ABL2: variants seen among roughly 807,000 people sequenced by gnomAD.
The protein encoded by ABL2 is ABL proto-oncogene 2, non-receptor tyrosine kinase, also known as tyrosine-protein kinase ABL2.
A neutral mutation model predicts 107.7 loss-of-function variants in ABL2; 49 were observed. The ratio of observed to expected loss-of-function variants is 0.45; its 90% confidence interval spans 0.36 to 0.58. The LOEUF (loss-of-function observed/expected upper bound fraction) is 0.58, where lower values mean the gene tolerates loss of function less well. Among genes scored for constraint, ABL2 ranks in the 20% least tolerant of loss-of-function variants. The pLI, the probability that ABL2 is intolerant of heterozygous loss-of-function variation, is 0.00. For synonymous variants in ABL2, 549 were observed against 548.6 expected, an observed-to-expected ratio of 1.00 and a Z score of -0.01; for missense variants, 1,245 against 1,457.0, an observed-to-expected ratio of 0.85 and a Z score of 2.37.
Position 179,131,317 on chromosome 1 carries a change from T to C in ABL2, c.385A>G (p.Thr129Ala). The C allele has an allele frequency of 4.3e-6, 7 of 1,613,662 alleles. No homozygotes were observed. Among genetic ancestry groups the C allele is most frequent in the Non-Finnish European group, 5.9e-6 (7 of 1,179,620 alleles). ...VASGDNTLSI[T>A]KGEKLRVLGY... is the part of the protein sequence containing the mutation. ...TGCTACATAGAAGCCTCACCTTTAG[T>C]GATGCTGAGTGTGTTATCACCACTT... The change falls in exon 3 of 12, where the codon ACT becomes GCT. Residue 129 changes from threonine to alanine, a missense_variant. By Grantham distance (58) the Thr-to-Ala change is moderately conservative. This residue lies in a region of ABL2 where 320 missense variants were observed against 547.0 expected (regional missense o/e 0.59). Transcript: ENST00000502732.
chr1:179,120,844 GA>G (rs1224913282), intron 5 of ABL2, among the ~76,000 whole-genome samples: 1 of 152,174 alleles, frequency 6.6e-6, no homozygotes, highest in African/African-American at 2.4e-5. Flanking sequence ...CCCTGTATTG[GA>G]TAGTTCAGTT....
At chr1:179,111,707 G>A (rs1175708787) in intron 10 of ABL2, among the ~76,000 whole-genome samples, 2 of 151,962 alleles carry the variant, frequency 1.3e-5, no homozygotes, top group Non-Finnish European at 2.9e-5. Context: ...GGATATCCTC[G>A]TTTACTAAGT....
chr1:179,141,112 T>C (rs531447264), intron 1 of ABL2, among the ~76,000 whole-genome samples: 39 of 132,674 alleles, frequency 2.9e-4, no homozygotes, highest in Admixed American at 8.6e-4. Context: ...CAAGACTCTG[T>C]CTCAAAAAAA....
chr1:179,103,387 CTTATAG>C lies in ABL2; in HGVS notation c.*4325_*4330del, dbSNP rs1653259032. On this transcript the variant is annotated 3_prime_UTR_variant, in exon 12 of 12. Transcript: ENST00000502732. ...TCTTTTAAACAGACAATACTACAAC[CTTATAG>C]TTATATTACAGTTGATATTTTCTCA... 4.9e-6 allele frequency: 1 copy of C among 204,070 alleles called. No individual in the cohort carries two copies. Among genetic ancestry groups the C allele is most frequent in the Non-Finnish European group, 1.0e-5 (1 of 99,808 alleles). The allele number at this position is 204,070 out of a possible 1,614,324, so 12.6% of individuals were successfully genotyped here. A position where few individuals can be genotyped will look rare whatever the true frequency, so the allele number is the denominator to read the frequency against.
intron 1 of ABL2, among the ~76,000 whole-genome samples, chr1:179,190,552 T>G (rs1290737217): frequency 6.6e-6 from 1 of 152,064 alleles, no homozygotes; most frequent in African/African-American, 2.4e-5. Flanking sequence ...GTTGATGACG[T>G]TGATGACGTT....
Position 179,099,543 on chromosome 1 carries a change from A to G in ABL2, c.*8175T>C. 1 of 227,684 alleles carries G rather than the reference A, an allele frequency of 4.4e-6. No individual in the cohort carries two copies. Among genetic ancestry groups the G allele is most frequent in the Non-Finnish European group, 8.7e-6 (1 of 114,578 alleles). The allele number at this position is 227,684 out of a possible 1,614,324, so 14.1% of individuals were successfully genotyped here. On this transcript the variant is annotated 3_prime_UTR_variant, in exon 12 of 12. Coordinates refer to ENST00000502732, the MANE Select transcript of ABL2 (RefSeq NM_007314.4). Reference sequence around the variant, plus strand: ...AATAACAATTAAGAACAAATACCTGACAACACTGGTAATGTGACACACAAT... The same window carrying G: ...AATAACAATTAAGAACAAATACCTGGCAACACTGGTAATGTGACACACAAT...
intron 1 of ABL2, among the ~76,000 whole-genome samples, chr1:179,154,082 C>T (rs1571210980): frequency 6.6e-6 from 1 of 152,178 alleles, no homozygotes; most frequent in East Asian, 1.9e-4. Context: ...CAAACCCATC[C>T]GTTCCTCTTC....
At chr1:179,204,373 A>T (rs1661837770) in intron 1 of ABL2, among the ~76,000 whole-genome samples, 1 of 152,164 alleles carries the variant, frequency 6.6e-6, no homozygotes, top group South Asian at 2.1e-4. Flanking sequence ...AAAAATATTC[A>T]AATAACACAG....
intron 1 of ABL2, among the ~76,000 whole-genome samples, chr1:179,220,483 C>T (rs1218310848): frequency 1.3e-5 from 2 of 152,180 alleles, no homozygotes; most frequent in African/African-American, 4.8e-5. Context: ...AGGACAGTGC[C>T]TTGTTTAGGC....
chr1:179,193,479 C>A (rs1661132904), intron 1 of ABL2, among the ~76,000 whole-genome samples: 1 of 151,670 alleles, frequency 6.6e-6, no homozygotes, highest in South Asian at 2.1e-4. Context: ...TCTTGACTCA[C>A]TTGCAACCTC....
At chr1:179,190,302 C>T (rs1399956755) in intron 1 of ABL2, among the ~76,000 whole-genome samples, 1 of 151,954 alleles carries the variant, frequency 6.6e-6, no homozygotes, top group African/African-American at 2.4e-5. Context: ...GAGTGGCTCA[C>T]GGAACTCAGG....
chr1:179,189,190 C>G (rs1227674307), intron 1 of ABL2, among the ~76,000 whole-genome samples: 2 of 152,132 alleles, frequency 1.3e-5, no homozygotes, highest in African/African-American at 4.8e-5. Context: ...GGCTGGAGTG[C>G]AATGGTGCGA....
At chr1:179,172,608 T>C (rs1364162981) in intron 1 of ABL2, among the ~76,000 whole-genome samples, 1 of 152,186 alleles carries the variant, frequency 6.6e-6, no homozygotes, top group Non-Finnish European at 1.5e-5. Flanking sequence ...TCCCTGACCA[T>C]AGAAATATTT....
At chr1:179,208,944 A>C (rs1373895264) in intron 1 of ABL2, among the ~76,000 whole-genome samples, 5 of 152,242 alleles carry the variant, frequency 3.3e-5, no homozygotes, top group Non-Finnish European at 5.9e-5. Flanking sequence ...TGATGTAATA[A>C]TACTACCAAA....
chr1:179,155,055 G>A (rs1658598944), intron 1 of ABL2, among the ~76,000 whole-genome samples: 1 of 152,168 alleles, frequency 6.6e-6, no homozygotes. Flanking sequence ...AAGTCCCAAA[G>A]CTAGTTGGTG....
chr1:179,195,084 T>C (rs1661229904), intron 1 of ABL2, among the ~76,000 whole-genome samples: 1 of 152,084 alleles, frequency 6.6e-6, no homozygotes, highest in Non-Finnish European at 1.5e-5. Flanking sequence ...GGTCAGGAGT[T>C]CCAGACCAGC....
chr1:179,188,031 C>T (rs1337589797), intron 1 of ABL2, among the ~76,000 whole-genome samples: 2 of 152,224 alleles, frequency 1.3e-5, no homozygotes, highest in Non-Finnish European at 2.9e-5. Context: ...ATATTATCCC[C>T]TACCATTCTC....
chr1:179,109,462 A>G (rs752306159), intron 11 of ABL2, 21 bp from the exon 12 acceptor site: 2 of 1,584,976 alleles, frequency 1.3e-6, no homozygotes, highest in Non-Finnish European at 1.7e-6. Context: ...ATGGCCGATC[A>G]GTAACTTAAA....
intron 5 of ABL2, among the ~76,000 whole-genome samples, 165 bp from the exon 6 acceptor site, chr1:179,120,439 T>A (rs988334507): frequency 6.6e-6 from 1 of 152,202 alleles, no homozygotes; most frequent in Non-Finnish European, 1.5e-5. Context: ...TAATTTAATT[T>A]ATTTTTTTGA....
Sources: allele counts gnomAD v4.1 joint callset (sites outside exome capture counted in the v4.1 genomes callset), GRCh38; gene constraint gnomAD v4.1.1; regional missense constraint gnomAD v4.1.1; transcripts MANE v1.5; gene names NCBI Gene and HGNC (gene_info 2026-07-23, HGNC 2026-07-21).